The following TMTC1 variants were observed in gnomAD, a reference collection of about 807,000 sequenced individuals.
The protein encoded by TMTC1 is transmembrane O-mannosyltransferase targeting cadherins 1.
In TMTC1, 73 loss-of-function variants were observed where a neutral mutation model predicts 104.8. The ratio of observed to expected loss-of-function variants is 0.70; its 90% CI spans 0.58 to 0.85. The LOEUF is 0.85. TMTC1 is among the 40% of genes least tolerant of loss of function. The probability of loss-of-function intolerance (pLI) is 0.00; values close to 1 mark genes in which losing one functional copy is unlikely to be tolerated. For missense variants in TMTC1, 1,035 were observed against 1,096.1 expected, an observed-to-expected ratio of 0.94 and a Z score of 0.79; for synonymous variants, 434 against 428.7, an observed-to-expected ratio of 1.01 and a Z score of -0.15.
chr12:29,612,570 C>A (rs1247650120), intron 6 of TMTC1, among the ~76,000 whole-genome samples: 1 of 152,062 alleles, frequency 6.6e-6, no homozygotes, highest in Non-Finnish European at 1.5e-5. Flanking sequence ...TGCCATCATG[C>A]CTGACTAATT....
At chr12:29,761,406 G>A (rs1480777878) in intron 2 of TMTC1, among the ~76,000 whole-genome samples, 2 of 152,002 alleles carry the variant, frequency 1.3e-5, no homozygotes, top group Non-Finnish European at 2.9e-5. Context: ...GTGAGAAAAT[G>A]TGAAAAATTA....
At chr12:29,519,286 T>C (rs187620053) in intron 12 of TMTC1, 9 of 152,314 alleles carry the variant, frequency 5.9e-5, no homozygotes, top group African/African-American at 1.9e-4. Context: ...TAGCTGTTTA[T>C]CAGGATTTAA....
chr12:29,753,347 C>T (rs773741511), intron 4 of TMTC1, among the ~76,000 whole-genome samples: 6 of 152,266 alleles, frequency 3.9e-5, no homozygotes, highest in Non-Finnish European at 5.9e-5. Flanking sequence ...TGTCATGGTG[C>T]CTGAGCAGCA....
At chr12:29,686,046 AGCACCT>A (rs1941081927) in intron 5 of TMTC1, among the ~76,000 whole-genome samples, 1 of 152,106 alleles carries the variant, frequency 6.6e-6, no homozygotes, top group South Asian at 2.1e-4. Context: ...AACCCAATTC[AGCACCT>A]GCTCAAGTCA....
intron 10 of TMTC1, among the ~76,000 whole-genome samples, chr12:29,548,968 A>C (rs1945022835): frequency 6.9e-6 from 1 of 145,274 alleles, no homozygotes; most frequent in Non-Finnish European, 1.5e-5. Flanking sequence ...ATATTTAAAT[A>C]AATTAAATAT....
At chr12:29,755,930 G>T (rs1296611459) in intron 3 of TMTC1, 45 bp from the exon 4 acceptor site, 1 of 1,586,074 alleles carries the variant, frequency 6.3e-7, no homozygotes, top group Admixed American at 1.7e-5. Context: ...AAAGAATATG[G>T]TCTGCTAAGA....
intron 7 of TMTC1, among the ~76,000 whole-genome samples, chr12:29,588,229 T>C (rs948475165): frequency 1.3e-5 from 2 of 152,194 alleles, no homozygotes; most frequent in Non-Finnish European, 2.9e-5. Flanking sequence ...AGCCTTGCAC[T>C]TGTCAGAACA....
intron 7 of TMTC1, among the ~76,000 whole-genome samples, chr12:29,602,506 CA>C (rs1302625162): frequency 6.6e-6 from 1 of 152,116 alleles, no homozygotes; most frequent in Non-Finnish European, 1.5e-5. Context: ...CCATTTTATG[CA>C]GATGAGAAAA....
At chr12:29,527,374 A>G (rs965958678) in intron 11 of TMTC1, among the ~76,000 whole-genome samples, 2 of 152,160 alleles carry the variant, frequency 1.3e-5, no homozygotes, top group African/African-American at 4.8e-5. Flanking sequence ...CCCTACCTTC[A>G]CCACTGAGTG....
intron 5 of TMTC1, among the ~76,000 whole-genome samples, chr12:29,685,041 A>C (rs1370685834): frequency 6.6e-6 from 1 of 152,180 alleles, no homozygotes; most frequent in Non-Finnish European, 1.5e-5. Flanking sequence ...TTAATTGGGC[A>C]TAGGATGATA....
chr12:29,598,829 G>A (rs957835264), intron 7 of TMTC1, among the ~76,000 whole-genome samples: 2 of 152,164 alleles, frequency 1.3e-5, no homozygotes, highest in African/African-American at 4.8e-5. Flanking sequence ...TTTCAGTGGA[G>A]TTTTCAGAGT....
intron 12 of TMTC1, chr12:29,519,523 T>C (rs1344184959): frequency 6.6e-6 from 1 of 152,130 alleles, no homozygotes; most frequent in African/African-American, 2.4e-5. Context: ...TAGAATGGAA[T>C]GTCTATTATC....
At chr12:29,569,295 T>C (rs886645354) in intron 9 of TMTC1, among the ~76,000 whole-genome samples, 7 of 152,212 alleles carry the variant, frequency 4.6e-5, no homozygotes, top group Admixed American at 1.3e-4. Context: ...ATTTTTAGCA[T>C]TGTAAGCCAG....
At chr12:29,517,326 T>C in intron 14 of TMTC1, 101 bp downstream of exon 14, 2 of 1,320,392 alleles carry the variant, frequency 1.5e-6, no homozygotes, top group Non-Finnish European at 2.1e-6. Context: ...AGTGGATATA[T>C]TACGGCATTC....
chr12:29,608,895 C>T (rs1004529911), intron 6 of TMTC1, among the ~76,000 whole-genome samples: 1 of 152,144 alleles, frequency 6.6e-6, no homozygotes, highest in African/African-American at 2.4e-5. Context: ...TTTATCCCCT[C>T]CTCTTCATAC....
chr12:29,515,499 C>T (rs1049539738), intron 15 of TMTC1, among the ~76,000 whole-genome samples: 4 of 152,296 alleles, frequency 2.6e-5, no homozygotes, highest in African/African-American at 7.2e-5. Context: ...TTTGCATGTG[C>T]GTTTCCCTGC....
At chr12:29,667,525 T>G (rs1157425004) in intron 5 of TMTC1, among the ~76,000 whole-genome samples, 1 of 152,182 alleles carries the variant, frequency 6.6e-6, no homozygotes, top group Non-Finnish European at 1.5e-5. Flanking sequence ...TCTTAACCAT[T>G]CTGCAAATTA....
intron 10 of TMTC1, among the ~76,000 whole-genome samples, chr12:29,539,221 A>G (rs1944726952): frequency 6.6e-6 from 1 of 152,206 alleles, no homozygotes; most frequent in African/African-American, 2.4e-5. Flanking sequence ...TGTGAGATTG[A>G]AACTTAATTT....
chr12:29,753,729 C>T (rs762912157), intron 4 of TMTC1, among the ~76,000 whole-genome samples: 23 of 152,236 alleles, frequency 1.5e-4, no homozygotes, highest in Non-Finnish European at 3.1e-4. Context: ...ATCTTAGATG[C>T]TCTTTGCGGG....
Sources: gnomAD v4.1 joint callset for allele counts (sites outside exome capture counted in the v4.1 genomes callset) on GRCh38, gnomAD v4.1.1 for gene constraint, MANE v1.5 for transcripts, NCBI Gene and HGNC (gene_info 2026-07-23, HGNC 2026-07-21) for gene names.